MICU1: variants seen among roughly 807,000 people sequenced by gnomAD.
MICU1 encodes calcium uptake protein 1, mitochondrial.
Under a neutral mutation model 56.8 loss-of-function variants are expected in MICU1, and 45 were observed. The ratio of observed to expected loss-of-function variants is 0.79; its 90% CI spans 0.62 to 1.02. The LOEUF is 1.02. Ranked by LOEUF, MICU1 falls within the 50% of genes least tolerant of loss-of-function variation. The pLI, the probability that MICU1 is intolerant of heterozygous loss-of-function variation, is 0.00. For missense variants in MICU1, 504 were observed against 587.1 expected, an observed-to-expected ratio of 0.86 and a Z score of 1.46; for synonymous variants, 186 against 195.1, an observed-to-expected ratio of 0.95 and a Z score of 0.39.
intron 6 of MICU1, among the ~76,000 whole-genome samples, chr10:72,498,754 T>C (rs568044677): frequency 3.9e-4 from 59 of 152,272 alleles, no homozygotes; most frequent in African/African-American, 1.3e-3. Flanking sequence ...ATTGATTCCA[T>C]GGAAAAGTCA....
intron 6 of MICU1, among the ~76,000 whole-genome samples, chr10:72,485,745 T>C (rs1866449498): frequency 1.3e-5 from 2 of 151,870 alleles, no homozygotes; most frequent in Non-Finnish European, 2.9e-5. Context: ...TAAAGAGAAC[T>C]TGGAATAAAA....
intron 1 of MICU1, among the ~76,000 whole-genome samples, chr10:72,599,423 T>C (rs1450056484): frequency 4.6e-5 from 7 of 152,188 alleles, no homozygotes; most frequent in Non-Finnish European, 5.9e-5. Context: ...GATGAAACCC[T>C]GAACCATGCA....
chr10:72,418,436 T>A (rs1015794348), intron 9 of MICU1, among the ~76,000 whole-genome samples: 33 of 152,150 alleles, frequency 2.2e-4, no homozygotes, highest in African/African-American at 8.0e-4. Flanking sequence ...AAACAGCACT[T>A]TCTTAAGGAA....
chr10:72,540,367 T>C (rs1219310415), intron 4 of MICU1, among the ~76,000 whole-genome samples: 3 of 150,844 alleles, frequency 2.0e-5, no homozygotes, highest in Non-Finnish European at 2.9e-5. Context: ...TGGTTTGTAA[T>C]GATTAAAAAA....
chr10:72,502,158 G>GTTTTTTTTTTTTT (rs1256587038), intron 6 of MICU1, among the ~76,000 whole-genome samples: 4 of 131,842 alleles, frequency 3.0e-5, no homozygotes, highest in East Asian at 2.3e-4. Flanking sequence ...TTTTTTTTTT[G>GTTTTTTTTTTTTT]TTTTTTTTTT....
chr10:72,482,784 T>TG (rs1866342422), intron 6 of MICU1, among the ~76,000 whole-genome samples: 1 of 151,164 alleles, frequency 6.6e-6, no homozygotes, highest in African/African-American at 2.4e-5. Context: ...AGCCCTCGTC[T>TG]GGGGGGTACT....
chr10:72,395,061 C>G (rs1366803035), intron 10 of MICU1, among the ~76,000 whole-genome samples: 2 of 152,120 alleles, frequency 1.3e-5, no homozygotes, highest in Admixed American at 6.6e-5. Flanking sequence ...TGCCTGTAAT[C>G]CCAGCTACTT....
chr10:72,522,941 A>G (rs1046732730), intron 5 of MICU1, among the ~76,000 whole-genome samples: 2 of 152,182 alleles, frequency 1.3e-5, no homozygotes, highest in African/African-American at 4.8e-5. Flanking sequence ...TATTCATAAG[A>G]TAGACTTAAG....
intron 1 of MICU1, among the ~76,000 whole-genome samples, chr10:72,604,569 G>A (rs929619929): frequency 2.6e-5 from 4 of 151,082 alleles, no homozygotes; most frequent in African/African-American, 7.3e-5. Context: ...CAGCGTGCCC[G>A]GCCTTCTGCC....
At chr10:72,598,737 A>C (rs1378477092) in intron 1 of MICU1, among the ~76,000 whole-genome samples, 1 of 152,160 alleles carries the variant, frequency 6.6e-6, no homozygotes, top group Non-Finnish European at 1.5e-5. Flanking sequence ...TAAATGAAGA[A>C]TAACCCCAAA....
intron 1 of MICU1, among the ~76,000 whole-genome samples, chr10:72,597,414 G>C (rs1841409678): frequency 6.6e-6 from 1 of 152,164 alleles, no homozygotes; most frequent in African/African-American, 2.4e-5. Flanking sequence ...AGTTCCATGA[G>C]AGACTTAAGA....
chr10:72,535,288 C>T (rs1839606030), intron 4 of MICU1, among the ~76,000 whole-genome samples: 1 of 152,066 alleles, frequency 6.6e-6, no homozygotes, highest in Non-Finnish European at 1.5e-5. Context: ...ATCCACCCGC[C>T]TCAGCCTCCC....
chr10:72,479,897 T>C (rs1369175147), intron 6 of MICU1, among the ~76,000 whole-genome samples: 1 of 152,206 alleles, frequency 6.6e-6, no homozygotes, highest in Non-Finnish European at 1.5e-5. Flanking sequence ...TATTCTTCCT[T>C]ATTTTGTCAC....
In MICU1 at chr10:72,417,430, G is replaced by C. The variant is rs565631696; in HGVS notation, c.1071+5804C>G. Among the ~76,000 whole-genome samples, 3 of 135,046 alleles carry C rather than the reference G, an allele frequency of 2.2e-5. No individual in the cohort carries two copies. The East Asian group carries it at 6.7e-4, about 30-fold the overall frequency. The allele number at this position is 135,046 out of a possible 152,430, so 88.6% of individuals were successfully genotyped here. On this transcript the variant is annotated intron_variant, in intron 9 of 11. Coordinates refer to ENST00000361114, the MANE Select transcript of MICU1 (RefSeq NM_001195518.2). ...GATCAGGCCACTGCACTCCAGCCTA[G>C]ACAACAGAGCAAGACTCCGTCTCAA...
intron 10 of MICU1, chr10:72,391,895 T>C (rs1863085528): frequency 6.6e-6 from 1 of 152,114 alleles, no homozygotes; most frequent in Admixed American, 6.5e-5. Flanking sequence ...TCTAAAGTTA[T>C]CCTAGGATTT....
At chr10:72,475,057 A>C (rs755014900) in intron 8 of MICU1, 43 bp downstream of exon 8, 2 of 1,542,298 alleles carry the variant, frequency 1.3e-6, no homozygotes, top group East Asian at 4.6e-5. Flanking sequence ...CCTGCCCATC[A>C]GTTCCACATG....
intron 10 of MICU1, among the ~76,000 whole-genome samples, chr10:72,400,373 CT>C (rs1863411613): frequency 6.6e-6 from 1 of 152,062 alleles, no homozygotes; most frequent in Non-Finnish European, 1.5e-5. Context: ...CTTTAATGAA[CT>C]TTCGTTGTCT....
At position 72,554,418 on chromosome 10, in the gene MICU1, C is replaced by T. The variant is rs564073660; in HGVS notation, c.331-3077G>A. On this transcript the variant is annotated intron_variant, in intron 3 of 11. Coordinates refer to ENST00000361114, the MANE Select transcript of MICU1 (RefSeq NM_001195518.2). ...CCTGAGTCTGATCGAGCCTCAGAAT[C>T]CAGATGCCAATATTTAGGTAATATA... Among the ~76,000 whole-genome samples the T allele has an allele frequency of 2.0e-5, 3 of 152,226 alleles. No homozygotes were observed. In the East Asian group the frequency reaches 5.8e-4, roughly 29 times the overall value.
At chr10:72,510,963 T>C (rs1466049617) in intron 5 of MICU1, among the ~76,000 whole-genome samples, 2 of 152,220 alleles carry the variant, frequency 1.3e-5, no homozygotes, top group African/African-American at 4.8e-5. Flanking sequence ...TTTAGCAAAT[T>C]GTCCCAATAA....
Sources: gnomAD v4.1 joint callset for allele counts (sites outside exome capture counted in the v4.1 genomes callset) on GRCh38, gnomAD v4.1.1 for gene constraint, MANE v1.5 for transcripts, NCBI Gene and HGNC (gene_info 2026-07-23, HGNC 2026-07-21) for gene names.